Variants in AGAP1 observed in about 807,000 individuals in gnomAD.
AGAP1 encodes arf-GAP with GTPase, ANK repeat and PH domain-containing protein 1.
AGAP1 carries 29 observed loss-of-function variants against 105.3 expected under a neutral mutation model. That is an observed-to-expected ratio of 0.28 (90% CI 0.21 to 0.38). The LOEUF (loss-of-function observed/expected upper bound fraction) is 0.38. AGAP1 is among the 10% of genes least tolerant of loss of function. AGAP1 has a pLI of 1.00. For synonymous variants in AGAP1, 509 were observed against 485.9 expected (o/e 1.05, Z -0.63); for missense variants, 998 against 1,165.1 (o/e 0.86, Z 2.09).
chr2:235,954,479 G>A (rs1387473349), intron 12 of AGAP1, among the ~76,000 whole-genome samples: 6 of 150,556 alleles, frequency 4.0e-5, no homozygotes, highest in Non-Finnish European at 7.4e-5. Context: ...CTCTCTCATC[G>A]TTCTCTAACT....
At chr2:235,648,171 C>G (rs1050274234) in intron 1 of AGAP1, among the ~76,000 whole-genome samples, 23 of 152,338 alleles carry the variant, frequency 1.5e-4, no homozygotes, top group Middle Eastern at 3.4e-3. Context: ...GCCTCCATCT[C>G]TTTCTCCCTC....
Position 235,931,286 on chromosome 2 carries a change from G to A in AGAP1, c.1483+363G>A, listed in dbSNP as rs534710033. On this transcript the variant is annotated intron_variant, in intron 12 of 17. Transcript: ENST00000304032. The surrounding 1 kb of genome is among the most constrained non-coding windows in gnomAD (Gnocchi z 5.6). ...TATCTCCCCAATCACACTGCCCTAC[G>A]TGGCGTGGCCCACACTCTTCCACCA... Among the ~76,000 whole-genome samples, 17 of 152,190 alleles carry A rather than the reference G, an allele frequency of 1.1e-4. No individual in the cohort carries two copies. The highest frequency in any genetic ancestry group is 1.4e-4 in the African/African-American group (6 of 41,522).
chr2:235,801,555 C>T lies in AGAP1; in HGVS notation c.957+2033C>T, dbSNP rs1263753742. ...AGTCACCTAAATAGCTGCTTCCCAG[C>T]TCCGTCTAACACCTGGAGCAGCCCC... On this transcript the variant is annotated intron_variant, in intron 8 of 17. Coordinates refer to ENST00000304032, the MANE Select transcript of AGAP1 (RefSeq NM_001037131.3). This position sits in a 1 kb window ranked among gnomAD's most constrained non-coding sequence, Gnocchi z 6.0. Among the ~76,000 whole-genome samples, 1 of 151,992 alleles carries T rather than the reference C, an allele frequency of 6.6e-6. No individual in the cohort carries two copies. The highest frequency in any genetic ancestry group is 2.4e-5 in the African/African-American group (1 of 41,372).
intron 10 of AGAP1, among the ~76,000 whole-genome samples, chr2:235,895,793 G>C (rs1382501890): frequency 6.6e-6 from 1 of 152,052 alleles, no homozygotes; most frequent in African/African-American, 2.4e-5. Context: ...TTCCTTAAAT[G>C]TGTCGGACTA....
intron 1 of AGAP1, among the ~76,000 whole-genome samples, chr2:235,626,642 G>A (rs1946646806): frequency 6.6e-6 from 1 of 152,044 alleles, no homozygotes; most frequent in South Asian, 2.1e-4. Context: ...CGCTAATTAT[G>A]TGAACAGTTA....
At position 235,561,369 on chromosome 2, in the gene AGAP1, A is replaced by G. The variant is rs551008666; in HGVS notation, c.163+66520A>G. On this transcript the variant is annotated intron_variant, in intron 1 of 17. Transcript: ENST00000304032. ...ACAGGAGGGCTTCCTAAGCTCTTCC[A>G]CTGATTTAGGGGGCGAGGTTGGGAG... Among the ~76,000 whole-genome samples, 9 of 152,330 alleles carry G rather than the reference A, an allele frequency of 5.9e-5. No individual in the cohort carries two copies. The South Asian group carries it at 1.9e-3, about 32-fold the overall frequency.
chr2:235,568,806 A>C (rs150420640), intron 1 of AGAP1, among the ~76,000 whole-genome samples: 2 of 152,288 alleles, frequency 1.3e-5, no homozygotes, highest in Non-Finnish European at 2.9e-5. Context: ...AGCCACCTGC[A>C]GTCCTTGGCT....
Position 235,959,262 on chromosome 2 carries a change from G to T in AGAP1, c.1484-9200G>T, listed in dbSNP as rs74636055. On this transcript the variant is annotated intron_variant, in intron 12 of 17. Transcript: ENST00000304032. The surrounding 1 kb of genome is among the most constrained non-coding windows in gnomAD (Gnocchi z 7.3). ...AGGAGCGGATGGCGCTCCGTGGGCCGGCTGGAGCTCATTTACAGTGTCTCA... is the reference window on the plus strand; with the variant it reads ...AGGAGCGGATGGCGCTCCGTGGGCCTGCTGGAGCTCATTTACAGTGTCTCA... Among the ~76,000 whole-genome samples the T allele has an allele frequency of 6.6e-6, 1 of 152,176 alleles. No individual in the cohort carries two copies. The highest frequency in any genetic ancestry group is 1.5e-5 in the Non-Finnish European group (1 of 68,030).
chr2:235,892,136 A>G (rs2050575491), intron 10 of AGAP1, among the ~76,000 whole-genome samples: 1 of 151,588 alleles, frequency 6.6e-6, no homozygotes, highest in Non-Finnish European at 1.5e-5. Context: ...CCTCGGCAAC[A>G]GTGAGACTCC....
intron 3 of AGAP1, among the ~76,000 whole-genome samples, chr2:235,735,471 G>C (rs1406105095): frequency 6.6e-6 from 1 of 152,138 alleles, no homozygotes; most frequent in African/African-American, 2.4e-5. Flanking sequence ...AAGGAACCCA[G>C]TTGTTTTACT....
In AGAP1 at chr2:235,700,825, A is replaced by G. The variant is rs1371088472; in HGVS notation, c.164-8354A>G. On this transcript the variant is annotated intron_variant, in intron 1 of 17. Transcript: ENST00000304032. The surrounding 1 kb of genome is among the most constrained non-coding windows in gnomAD (Gnocchi z 6.1). ...TGTCTCTCTCTCTCTCTCTCTGTGT[A>G]TATATAGTATATATTATATATGTAT... 6.7e-6 allele frequency among the ~76,000 whole-genome samples: 1 copy of G among 148,886 alleles called. No individual in the cohort carries two copies. Among genetic ancestry groups the G allele is most frequent in the Non-Finnish European group, 1.5e-5 (1 of 67,452 alleles).
Position 235,994,287 on chromosome 2 carries a change from G to A in AGAP1, c.1645+25664G>A, listed in dbSNP as rs539914094. 3.3e-5 allele frequency among the ~76,000 whole-genome samples: 5 copies of A among 152,302 alleles called. No individual in the cohort carries two copies. In the East Asian group the frequency reaches 9.6e-4, roughly 29 times the overall value. Reference sequence around the variant, plus strand: ...TCATAGTTAGCATTTCTCCATGTCTGTGCTTTTATGCCCTCCTGAAAGCTG... The same window carrying A: ...TCATAGTTAGCATTTCTCCATGTCTATGCTTTTATGCCCTCCTGAAAGCTG... On this transcript the variant is annotated intron_variant, in intron 13 of 17. Transcript: ENST00000304032. This position sits in a 1 kb window ranked among gnomAD's most constrained non-coding sequence, Gnocchi z 4.4.
At position 235,751,008 on chromosome 2, in the gene AGAP1, T is replaced by G. The variant is rs1438943769; in HGVS notation, c.673+520T>G. ...GAGGGTGAGGACCAGCCTTTTGGAA[T>G]TGTTTTTAGGTTATTTTATTCATTA... is the stretch of plus-strand genomic sequence containing the variant. On this transcript the variant is annotated intron_variant, in intron 6 of 17. Coordinates refer to ENST00000304032, the MANE Select transcript of AGAP1 (RefSeq NM_001037131.3). The surrounding 1 kb of genome is among the most constrained non-coding windows in gnomAD (Gnocchi z 5.3). Among the ~76,000 whole-genome samples the G allele has an allele frequency of 6.6e-6, 1 of 152,086 alleles. No homozygotes were observed. Among genetic ancestry groups the G allele is most frequent in the Non-Finnish European group, 1.5e-5 (1 of 68,010 alleles).
intron 1 of AGAP1, among the ~76,000 whole-genome samples, chr2:235,603,865 C>T (rs1216323899): frequency 6.6e-6 from 1 of 152,092 alleles, no homozygotes; most frequent in East Asian, 1.9e-4. Flanking sequence ...GTGGGTCTTA[C>T]CGCATTTGTC....
At chr2:235,743,055 T>TG (rs1417494276) in intron 4 of AGAP1, among the ~76,000 whole-genome samples, 1 of 152,106 alleles carries the variant, frequency 6.6e-6, no homozygotes, top group Admixed American at 6.5e-5. Flanking sequence ...TAATCCTAGC[T>TG]GTTTGGGAGG....
At chr2:235,654,952 ATTCAT>A (rs1575052032) in intron 1 of AGAP1, among the ~76,000 whole-genome samples, 1 of 152,214 alleles carries the variant, frequency 6.6e-6, no homozygotes, top group East Asian at 1.9e-4. Flanking sequence ...CATGATTTGC[ATTCAT>A]ATCAGAAGGC....
intron 1 of AGAP1, among the ~76,000 whole-genome samples, chr2:235,542,226 G>C (rs1227661096): frequency 6.6e-6 from 1 of 152,044 alleles, no homozygotes; most frequent in East Asian, 1.9e-4. Flanking sequence ...CCGGGGGGGG[G>C]CCAGTTGTCA....
intron 6 of AGAP1, among the ~76,000 whole-genome samples, chr2:235,756,435 A>G (rs1356214924): frequency 2.6e-5 from 4 of 152,132 alleles, no homozygotes; most frequent in Non-Finnish European, 5.9e-5. Flanking sequence ...CTAAAGAAAG[A>G]GGGGTTTCCC....
chr2:235,879,731 C>T lies in AGAP1; in HGVS notation c.1051-3614C>T, dbSNP rs1418053613. Among the ~76,000 whole-genome samples the T allele has an allele frequency of 6.6e-6, 1 of 151,950 alleles. No homozygotes were observed. The highest frequency in any genetic ancestry group is 1.5e-5 in the Non-Finnish European group (1 of 68,006). On this transcript the variant is annotated intron_variant, in intron 9 of 17. Transcript: ENST00000304032. This position sits in a 1 kb window ranked among gnomAD's most constrained non-coding sequence, Gnocchi z 5.0. ...TTGCTTGAGCCCAGGAGTTCGAGAC[C>T]AGCCTGGGCAAGATGATGAGACCCT... is the stretch of plus-strand genomic sequence containing the variant.
Sources: allele counts gnomAD v4.1 joint callset (sites outside exome capture counted in the v4.1 genomes callset), GRCh38; gene constraint gnomAD v4.1.1; non-coding constraint Gnocchi (gnomAD v3.1); transcripts MANE v1.5; gene names NCBI Gene and HGNC (gene_info 2026-07-23, HGNC 2026-07-21).